Variants in FARP1 observed in about 807,000 individuals in gnomAD.
FARP1 encodes FERM, ARHGEF and pleckstrin domain-containing protein 1.
A neutral mutation model predicts 128.8 loss-of-function variants in FARP1; 52 were observed. The ratio of observed to expected loss-of-function variants is 0.40; its 90% CI spans 0.32 to 0.51. The LOEUF (loss-of-function observed/expected upper bound fraction) is 0.51, where lower values mean the gene tolerates loss of function less well. Ranked by LOEUF, FARP1 falls within the 20% of genes least tolerant of loss-of-function variation. The probability of loss-of-function intolerance (pLI) is 0.45; values close to 1 mark genes in which losing one functional copy is unlikely to be tolerated. For missense variants in FARP1, 1,333 were observed against 1,367.9 expected (o/e 0.97, Z 0.40); for synonymous variants, 580 against 551.8 (o/e 1.05, Z -0.72).
In FARP1 at chr13:98,334,628, A is replaced by C. The variant is rs115797587; in HGVS notation, c.172-9134A>C. Among the ~76,000 whole-genome samples, 778 of 152,126 alleles carry C rather than the reference A, an allele frequency of 5.1e-3. 10 individuals are homozygous for C. The highest frequency in any genetic ancestry group is 0.018 in the African/African-American group (736 of 41,518). ...TGCTGTGGACTAAATTGTACTCCCC[A>C]CCCTAATTAATTTATTGATGCCCTA... is the stretch of plus-strand genomic sequence containing the variant. On this transcript the variant is annotated intron_variant, in intron 2 of 26. Coordinates refer to ENST00000319562, the MANE Select transcript of FARP1 (RefSeq NM_005766.4).
At chr13:98,159,963 G>A (rs1424177517) in intron 1 of FARP1, among the ~76,000 whole-genome samples, 3 of 152,186 alleles carry the variant, frequency 2.0e-5, no homozygotes, top group Non-Finnish European at 2.9e-5. Flanking sequence ...TTTCGGCATT[G>A]TAGTACAATT....
chr13:98,416,733 T>C (rs1891388756), intron 16 of FARP1, among the ~76,000 whole-genome samples: 1 of 152,134 alleles, frequency 6.6e-6, no homozygotes, highest in Non-Finnish European at 1.5e-5. Context: ...TGGCAGAGGC[T>C]GAGTGCAAGG....
At chr13:98,396,401 C>A (rs1456341413) in intron 13 of FARP1, 2 of 399,226 alleles carry the variant, frequency 5.0e-6, no homozygotes, top group Non-Finnish European at 8.8e-6. Flanking sequence ...CGTTCCCCGT[C>A]CCTGCTGAGA....
At chr13:98,177,456 G>C (rs942920551) in intron 1 of FARP1, among the ~76,000 whole-genome samples, 7 of 151,300 alleles carry the variant, frequency 4.6e-5, no homozygotes, top group African/African-American at 1.7e-4. Flanking sequence ...AGACCAGCCT[G>C]GCCAACATAG....
At chr13:98,305,865 T>TC (rs386380372) in intron 2 of FARP1, among the ~76,000 whole-genome samples, 3 of 152,044 alleles carry the variant, frequency 2.0e-5, no homozygotes, top group African/African-American at 7.2e-5. Flanking sequence ...CTTTCCCTTT[T>TC]TTTTTTCTTG....
chr13:98,388,313 G>A (rs1333059557), intron 8 of FARP1, 70 bp from the exon 9 acceptor site: 12 of 1,207,782 alleles, frequency 9.9e-6, no homozygotes, highest in Non-Finnish European at 1.4e-5. Context: ...GCTCCCATAA[G>A]CAAAACAGAC....
chr13:98,388,220 T>A (rs1392286205), intron 8 of FARP1, among the ~76,000 whole-genome samples, 163 bp from the exon 9 acceptor site: 2 of 152,214 alleles, frequency 1.3e-5, no homozygotes, highest in Non-Finnish European at 2.9e-5. Context: ...CAGGAACAGG[T>A]ATCATCCGAT....
intron 1 of FARP1, among the ~76,000 whole-genome samples, chr13:98,167,314 T>C (rs1331146143): frequency 1.3e-5 from 2 of 152,216 alleles, no homozygotes; most frequent in Non-Finnish European, 2.9e-5. Context: ...CCTAGTTTGC[T>C]TTTGGCTTTG....
rs556579871 is a variant in FARP1 at position 98,260,153 on chromosome 13, C to T, written c.171+46740C>T. 2.6e-5 allele frequency among the ~76,000 whole-genome samples: 4 copies of T among 152,228 alleles called. No individual in the cohort carries two copies. In the East Asian group the frequency reaches 7.7e-4, roughly 29 times the overall value. On this transcript the variant is annotated intron_variant, in intron 2 of 26. Transcript: ENST00000319562. ...AATACAAGTTTTAAAAAAGCACACA[C>T]ACACGCCCCTCGTCAAGTTTCCTAA... is the stretch of plus-strand genomic sequence containing the variant.
At chr13:98,209,032 A>T (rs1485899653) in intron 1 of FARP1, among the ~76,000 whole-genome samples, 1 of 152,148 alleles carries the variant, frequency 6.6e-6, no homozygotes, top group Non-Finnish European at 1.5e-5. Context: ...TATTTGAGAC[A>T]GAGTCTTGCT....
At chr13:98,352,263 G>A (rs552882166) in intron 3 of FARP1, among the ~76,000 whole-genome samples, 2 of 152,290 alleles carry the variant, frequency 1.3e-5, no homozygotes, top group Admixed American at 6.5e-5. Context: ...ACAATAGGGC[G>A]TCTGATGGGT....
At chr13:98,289,903 G>A (rs1594364281) in intron 2 of FARP1, among the ~76,000 whole-genome samples, 1 of 152,136 alleles carries the variant, frequency 6.6e-6, no homozygotes, top group Non-Finnish European at 1.5e-5. Context: ...CAGGGAGATA[G>A]GAACATTTGT....
intron 1 of FARP1, among the ~76,000 whole-genome samples, chr13:98,204,930 A>C (rs285106): frequency 0.46 from 69,867 of 151,810 alleles, 18,093 homozygotes; most frequent in Non-Finnish European, 0.58. Context: ...CCCAGGTGAC[A>C]GAGTGAGACC....
At chr13:98,432,886 T>C (rs1892097052) in intron 18 of FARP1, 1 of 152,592 alleles carries the variant, frequency 6.6e-6, no homozygotes, top group African/African-American at 2.4e-5. Flanking sequence ...ACCTGGGCAG[T>C]GGCAACCCTG....
intron 2 of FARP1, among the ~76,000 whole-genome samples, chr13:98,279,216 G>A (rs536240933): frequency 6.6e-6 from 1 of 152,282 alleles, no homozygotes; most frequent in Non-Finnish European, 1.5e-5. Context: ...AATTGCTCAT[G>A]AAATGTGCCA....
At position 98,277,148 on chromosome 13, in the gene FARP1, A is replaced by ACACACC. The variant is rs372627844; in HGVS notation, c.171+63736_171+63737insACACCC. Among the ~76,000 whole-genome samples the ACACACC allele has an allele frequency of 2.7e-3, 376 of 138,646 alleles. 2 individuals carry two copies. The highest frequency in any genetic ancestry group is 0.011 in the South Asian group (46 of 4,316). The allele number at this position is 138,646 out of a possible 152,430, so 91.0% of individuals were successfully genotyped here. On this transcript the variant is annotated intron_variant, in intron 2 of 26. Transcript: ENST00000319562. Reference sequence around the variant, plus strand: ...CACACACACACACACACACACACACACCCCATATGTATATATTAGAAGCAG... The same window carrying ACACACC: ...CACACACACACACACACACACACACACACACCCCCCATATGTATATATTAGAAGCAG...
At chr13:98,286,037 A>G (rs1432923892) in intron 2 of FARP1, among the ~76,000 whole-genome samples, 1 of 152,074 alleles carries the variant, frequency 6.6e-6, no homozygotes, top group Non-Finnish European at 1.5e-5. Flanking sequence ...AGTATATCTA[A>G]CACTGAATTG....
At chr13:98,175,973 G>A in intron 1 of FARP1, 1 of 607,368 alleles carries the variant, frequency 1.6e-6, no homozygotes, top group East Asian at 2.8e-5. Context: ...TGGACACTTG[G>A]GTTGTTTACA....
chr13:98,324,578 GA>G (rs912098799), intron 2 of FARP1, among the ~76,000 whole-genome samples: 2 of 151,534 alleles, frequency 1.3e-5, no homozygotes, highest in Admixed American at 1.3e-4. Context: ...GTCTTCAGAA[GA>G]AAAAAAATGG....
Sources: allele counts gnomAD v4.1 joint callset (sites outside exome capture counted in the v4.1 genomes callset), GRCh38; gene constraint gnomAD v4.1.1; transcripts MANE v1.5; gene names NCBI Gene and HGNC (gene_info 2026-07-23, HGNC 2026-07-21).